MAGI2: variants seen among roughly 807,000 people sequenced by gnomAD.
MAGI2 encodes the protein membrane associated guanylate kinase, WW and PDZ domain containing 2, also known as membrane-associated guanylate kinase, WW and PDZ domain-containing protein 2.
In MAGI2, 35 loss-of-function variants were observed where a neutral mutation model predicts 133.3. That is an observed-to-expected ratio of 0.26 (90% confidence interval 0.20 to 0.35). MAGI2 has a LOEUF of 0.35. Among genes scored for constraint, MAGI2 ranks in the 10% least tolerant of loss-of-function variants. The pLI is 1.00. For synonymous variants in MAGI2, 729 were observed against 710.6 expected (o/e 1.03, Z -0.41); for missense variants, 1,636 against 1,863.4 (o/e 0.88, Z 2.25).
chr7:79,191,402 CTTTTTTTTTTTTTTTTTT>C (rs71095386), intron 1 of MAGI2, among the ~76,000 whole-genome samples: 6 of 22,344 alleles, frequency 2.7e-4, no homozygotes, highest in Non-Finnish European at 3.8e-4. Flanking sequence ...CTTTTTCTTT[CTTTTTTTTTTTTTTTTTT>C]TTTTTTTTTT....
chr7:79,307,897 A>T (rs563626875), intron 1 of MAGI2, among the ~76,000 whole-genome samples: 1 of 152,350 alleles, frequency 6.6e-6, no homozygotes, highest in African/African-American at 2.4e-5. Context: ...CTTATTCTGA[A>T]ATATGAAAGG....
Position 78,195,008 on chromosome 7 carries a change from G to T in MAGI2, c.2135C>A (p.Ala712Asp). 1 of 1,613,892 alleles carries T rather than the reference G, an allele frequency of 6.2e-7. No homozygotes were observed. The highest frequency in any genetic ancestry group is 8.5e-7 in the Non-Finnish European group (1 of 1,179,892). The stretch of plus-strand genomic sequence containing the variant: ...TGGGAAGGGCAGGTTCTGCGGTATG[G>T]CCGGAGCAGATAAACTCGTTTGAGG... ...GSPQTSLSAP[A>D]IPQNLPFPPA... The change falls in exon 12 of 22, where the codon GCC (alanine) becomes GAC (aspartate). Residue 712 changes from alanine to aspartate, a missense_variant. By Grantham distance (126) the Ala-to-Asp change is moderately radical. Coordinates refer to ENST00000354212, the MANE Select transcript of MAGI2 (RefSeq NM_012301.4).
chr7:78,505,829 GA>G (rs1795037313), intron 4 of MAGI2, among the ~76,000 whole-genome samples: 1 of 152,142 alleles, frequency 6.6e-6, no homozygotes, highest in Non-Finnish European at 1.5e-5. Context: ...AAGAGTCAGG[GA>G]AAACCTCTTT....
chr7:79,367,348 T>C (rs1369633909), intron 1 of MAGI2, among the ~76,000 whole-genome samples: 1 of 152,250 alleles, frequency 6.6e-6, no homozygotes, highest in Non-Finnish European at 1.5e-5. Context: ...AGAATCTTAA[T>C]GCATCATTGA....
chr7:79,016,950 T>G (rs1808795507), intron 1 of MAGI2, among the ~76,000 whole-genome samples: 2 of 152,258 alleles, frequency 1.3e-5, no homozygotes, highest in African/African-American at 4.8e-5. Flanking sequence ...TTTTTGCCCA[T>G]GCAAATGCAT....
intron 1 of MAGI2, among the ~76,000 whole-genome samples, chr7:79,342,368 A>T (rs1840966466): frequency 6.6e-6 from 1 of 152,218 alleles, no homozygotes; most frequent in African/African-American, 2.4e-5. Context: ...ATGTCCATTG[A>T]ACAAAGTGCA....
At chr7:79,449,274 G>A (rs967579879) in intron 1 of MAGI2, among the ~76,000 whole-genome samples, 2 of 152,066 alleles carry the variant, frequency 1.3e-5, no homozygotes, top group Admixed American at 1.3e-4. Flanking sequence ...AGCAGTAGGA[G>A]GGAGAGCAAT....
intron 1 of MAGI2, among the ~76,000 whole-genome samples, chr7:79,354,687 T>C (rs2129114322): frequency 6.6e-6 from 1 of 152,288 alleles, no homozygotes; most frequent in South Asian, 2.1e-4. Flanking sequence ...AAATTCCCTC[T>C]AAATCAAGTA....
At chr7:78,192,523 CTTTT>C (rs35559367) in intron 12 of MAGI2, among the ~76,000 whole-genome samples, 1 of 139,908 alleles carries the variant, frequency 7.1e-6, no homozygotes, top group Non-Finnish European at 1.5e-5. Flanking sequence ...AAAAGGCTGT[CTTTT>C]TTTTTTTTTT....
chr7:78,231,047 A>G (rs1789916946), intron 10 of MAGI2, among the ~76,000 whole-genome samples: 1 of 152,220 alleles, frequency 6.6e-6, no homozygotes, highest in South Asian at 2.1e-4. Flanking sequence ...GTCAGGCTTC[A>G]TGCTGGAATA....
intron 2 of MAGI2, among the ~76,000 whole-genome samples, chr7:78,848,584 T>A (rs1792836474): frequency 1.3e-5 from 2 of 151,974 alleles, no homozygotes; most frequent in South Asian, 4.1e-4. Flanking sequence ...AGGCTCTTCA[T>A]GACCTACTTC....
chr7:78,194,979 C>T lies in MAGI2; in HGVS notation c.2164G>A (p.Ala722Thr), dbSNP rs758770191. 32 of 1,614,018 alleles carry T rather than the reference C, an allele frequency of 2.0e-5. No individual in the cohort carries two copies. The highest frequency in any genetic ancestry group is 2.5e-5 in the Non-Finnish European group (30 of 1,179,958). ...TCAGGAAAGGAGCTCCTGTGAAGGGCAGGTGGGAAGGGCAGGTTCTGCGGT... is the reference window on the plus strand; with the variant it reads ...TCAGGAAAGGAGCTCCTGTGAAGGGTAGGTGGGAAGGGCAGGTTCTGCGGT... ...AIPQNLPFPP[A>T]LHRSSFPDST... Residue 722 changes from alanine to threonine, a missense_variant, in exon 12 of 22, where the codon GCC (alanine) becomes ACC (threonine). Physicochemically the swap from Ala to Thr is moderately conservative, Grantham distance 58. This residue lies in a region of MAGI2 where 920 missense variants were observed against 1,093.5 expected (regional missense o/e 0.84). Coordinates refer to ENST00000354212, the MANE Select transcript of MAGI2 (RefSeq NM_012301.4).
At chr7:78,413,192 A>G (rs1214551808) in intron 6 of MAGI2, among the ~76,000 whole-genome samples, 1 of 152,088 alleles carries the variant, frequency 6.6e-6, no homozygotes, top group Non-Finnish European at 1.5e-5. Flanking sequence ...TTCTCTTTCT[A>G]GGTTTTGCAC....
chr7:79,342,314 T>A (rs944128571), intron 1 of MAGI2, among the ~76,000 whole-genome samples: 2 of 152,232 alleles, frequency 1.3e-5, no homozygotes, highest in Non-Finnish European at 2.9e-5. Context: ...TGTGTTAAAA[T>A]AGAGTATTAT....
At chr7:78,892,014 A>G (rs990063452) in intron 2 of MAGI2, among the ~76,000 whole-genome samples, 5 of 152,242 alleles carry the variant, frequency 3.3e-5, no homozygotes, top group African/African-American at 1.2e-4. Context: ...TTAAGCTGAT[A>G]GGCAACTTCA....
At chr7:78,426,015 A>G (rs1412615782) in intron 6 of MAGI2, among the ~76,000 whole-genome samples, 1 of 152,198 alleles carries the variant, frequency 6.6e-6, no homozygotes, top group Non-Finnish European at 1.5e-5. Flanking sequence ...ACAGACATTA[A>G]CCCCAAAATG....
At chr7:78,462,833 C>G (rs1050449606) in intron 6 of MAGI2, among the ~76,000 whole-genome samples, 1 of 152,164 alleles carries the variant, frequency 6.6e-6, no homozygotes, top group East Asian at 1.9e-4. Flanking sequence ...CTTGACAAAC[C>G]CGCGTGGTTC....
At chr7:78,199,931 G>T (rs138755942) in intron 11 of MAGI2, among the ~76,000 whole-genome samples, 38 of 152,322 alleles carry the variant, frequency 2.5e-4, no homozygotes, top group African/African-American at 7.5e-4. Context: ...AGGTCGCAAG[G>T]TTCCTTGTTG....
rs185544195 is a variant in MAGI2, at chr7:79,417,545, T to C, written c.301+35475A>G. Among the ~76,000 whole-genome samples the C allele has an allele frequency of 1.4e-4, 21 of 152,248 alleles. No individual in the cohort carries two copies. In the East Asian group the frequency reaches 3.7e-3, roughly 27 times the overall value. Reference sequence around the variant, plus strand: ...TCTGGAAATAGGGACCGATCACTTTTCAAACACATCTATGTAGGCGTTATC... The same window carrying C: ...TCTGGAAATAGGGACCGATCACTTTCCAAACACATCTATGTAGGCGTTATC... On this transcript the variant is annotated intron_variant, in intron 1 of 21. Transcript: ENST00000354212.
Sources: allele counts gnomAD v4.1 joint callset (sites outside exome capture counted in the v4.1 genomes callset), GRCh38; gene constraint gnomAD v4.1.1; regional missense constraint gnomAD v4.1.1; transcripts MANE v1.5; gene names NCBI Gene and HGNC (gene_info 2026-07-23, HGNC 2026-07-21).